The following FHIT variants were observed in gnomAD, a reference collection of about 807,000 sequenced individuals.
The protein encoded by FHIT is bis(5'-adenosyl)-triphosphatase.
A neutral mutation model predicts 17.9 loss-of-function variants in FHIT; 19 were observed. That is an observed-to-expected ratio of 1.06 (90% CI 0.74 to 1.56). FHIT has a LOEUF of 1.56. FHIT is among the 40% of genes most tolerant of loss of function. The pLI, the probability that FHIT is intolerant of heterozygous loss-of-function variation, is 0.00. For synonymous variants in FHIT, 81 were observed against 69.7 expected (o/e 1.16, Z -0.81); for missense variants, 248 against 189.2 (o/e 1.31, Z -1.82).
intron 5 of FHIT, among the ~76,000 whole-genome samples, chr3:60,121,470 G>C (rs1261730725): frequency 6.6e-6 from 1 of 152,062 alleles, no homozygotes; most frequent in Non-Finnish European, 1.5e-5. Flanking sequence ...TGGATCATTT[G>C]AGGTCAGGAA....
chr3:60,941,761 C>T (rs892775495), intron 3 of FHIT, among the ~76,000 whole-genome samples: 1 of 152,166 alleles, frequency 6.6e-6, no homozygotes, highest in African/African-American at 2.4e-5. Flanking sequence ...ATCCCCTATT[C>T]GTCCTTCATA....
At chr3:60,024,644 C>T (rs928743282) in intron 5 of FHIT, among the ~76,000 whole-genome samples, 4 of 152,120 alleles carry the variant, frequency 2.6e-5, no homozygotes, top group Non-Finnish European at 4.4e-5. Context: ...AGGCAACTGA[C>T]ATAGTAACTA....
intron 5 of FHIT, chr3:60,536,655 G>T: frequency 2.1e-6 from 1 of 472,494 alleles, no homozygotes; most frequent in Non-Finnish European, 3.5e-6. Context: ...CTGCAACATT[G>T]ATCAAGCATA....
intron 7 of FHIT, among the ~76,000 whole-genome samples, chr3:59,953,437 T>C (rs964377474): frequency 1.3e-5 from 2 of 152,164 alleles, no homozygotes; most frequent in Non-Finnish European, 2.9e-5. Context: ...CCATTTCAAA[T>C]ATGTTAGCCG....
chr3:60,027,135 ACACAC>A lies in FHIT; in HGVS notation c.104-12988_104-12984del, dbSNP rs1359051693. 3.4e-3 allele frequency among the ~76,000 whole-genome samples: 437 copies of A among 127,654 alleles called. 12 individuals carry two copies. Among genetic ancestry groups the A allele is most frequent in the African/African-American group, 0.01 (334 of 33,018 alleles). The allele number at this position is 127,654 out of a possible 152,430, so 83.7% of individuals were successfully genotyped here. On this transcript the variant is annotated intron_variant, in intron 5 of 9. Coordinates refer to ENST00000492590, the MANE Select transcript of FHIT (RefSeq NM_002012.4). ...CACACACACACACACACACACACAC[ACACAC>A]ACACACACAAAATTAGTAAACCCAA...
rs138696226 is a variant in FHIT at position 60,490,485 on chromosome 3, G to A, written c.103+46375C>T. Among the ~76,000 whole-genome samples, 72 of 152,020 alleles carry A rather than the reference G, an allele frequency of 4.7e-4. 1 individual carries two copies. The East Asian group carries it at 0.012, about 25-fold the overall frequency. Reference sequence around the variant, plus strand: ...ATAATTATCTCCATTTTACAAAAGTGAGAAGGCTTAAATTTATTTTCCCCA... The same window carrying A: ...ATAATTATCTCCATTTTACAAAAGTAAGAAGGCTTAAATTTATTTTCCCCA... On this transcript the variant is annotated intron_variant, in intron 5 of 9. Coordinates refer to ENST00000492590, the MANE Select transcript of FHIT (RefSeq NM_002012.4).
intron 5 of FHIT, among the ~76,000 whole-genome samples, chr3:60,330,357 T>C (rs1454372461): frequency 2.0e-5 from 3 of 152,126 alleles, no homozygotes; most frequent in Non-Finnish European, 4.4e-5. Flanking sequence ...CAAGCACTTG[T>C]CATTATAGAC....
chr3:60,636,386 C>T (rs1228529681), intron 4 of FHIT, among the ~76,000 whole-genome samples: 1 of 152,052 alleles, frequency 6.6e-6, no homozygotes, highest in Non-Finnish European at 1.5e-5. Flanking sequence ...ATGAATTTTA[C>T]CTTCATCCTC....
intron 5 of FHIT, among the ~76,000 whole-genome samples, chr3:60,415,324 T>C (rs1017600035): frequency 2.0e-5 from 3 of 152,142 alleles, no homozygotes; most frequent in East Asian, 1.9e-4. Context: ...TTGTCTGTAG[T>C]TGATCATGTA....
At chr3:60,782,392 G>C (rs1352084555) in intron 4 of FHIT, among the ~76,000 whole-genome samples, 1 of 152,136 alleles carries the variant, frequency 6.6e-6, no homozygotes, top group East Asian at 1.9e-4. Context: ...GTACAGAGCT[G>C]GTTCAAGGGA....
intron 5 of FHIT, among the ~76,000 whole-genome samples, chr3:60,189,843 G>C (rs1026966574): frequency 1.3e-5 from 2 of 152,150 alleles, no homozygotes; most frequent in Non-Finnish European, 2.9e-5. Context: ...CTTCGGAGTT[G>C]GTTGGTTAGG....
chr3:60,449,258 G>A (rs189937728), intron 5 of FHIT, among the ~76,000 whole-genome samples: 288 of 152,238 alleles, frequency 1.9e-3, no homozygotes, highest in African/African-American at 6.7e-3. Flanking sequence ...CGGTCTGTAT[G>A]CAACATCTTG....
chr3:59,778,321 TGGGA>T (rs1206721957), intron 8 of FHIT, among the ~76,000 whole-genome samples: 2 of 152,012 alleles, frequency 1.3e-5, no homozygotes, highest in East Asian at 3.9e-4. Context: ...TTGTAGGGAG[TGGGA>T]GGAAGTCTAA....
At chr3:59,914,428 G>A (rs563811150) in intron 8 of FHIT, among the ~76,000 whole-genome samples, 8 of 152,196 alleles carry the variant, frequency 5.3e-5, no homozygotes, top group African/African-American at 1.9e-4. Flanking sequence ...CAACTTGGAG[G>A]CCTTAGGATT....
chr3:60,271,157 T>C (rs1706849370), intron 5 of FHIT, among the ~76,000 whole-genome samples: 1 of 152,062 alleles, frequency 6.6e-6, no homozygotes, highest in East Asian at 1.9e-4. Flanking sequence ...CCCAGAACTT[T>C]GGGAAACAAA....
intron 3 of FHIT, among the ~76,000 whole-genome samples, chr3:60,928,209 C>A (rs934230903): frequency 2.0e-5 from 3 of 151,858 alleles, no homozygotes; most frequent in African/African-American, 2.4e-5. Context: ...AAACCAGAGA[C>A]CTTTGTTCAC....
chr3:60,125,274 C>A (rs141310885), intron 5 of FHIT, among the ~76,000 whole-genome samples: 128 of 152,288 alleles, frequency 8.4e-4, no homozygotes, highest in Non-Finnish European at 1.5e-3. Context: ...ATTAGGATAT[C>A]TTTTCTGTAA....
intron 4 of FHIT, among the ~76,000 whole-genome samples, chr3:60,762,104 G>C (rs1349926875): frequency 2.6e-5 from 4 of 152,162 alleles, no homozygotes; most frequent in Non-Finnish European, 4.4e-5. Flanking sequence ...TGAGCAATTT[G>C]GTGGGATGTA....
At chr3:60,375,456 C>A (rs1700513752) in intron 5 of FHIT, among the ~76,000 whole-genome samples, 1 of 151,780 alleles carries the variant, frequency 6.6e-6, no homozygotes, top group Admixed American at 6.6e-5. Flanking sequence ...ACACCAGTAA[C>A]CCCAGCTATT....
Sources: gnomAD v4.1 joint callset for allele counts (sites outside exome capture counted in the v4.1 genomes callset) on GRCh38, gnomAD v4.1.1 for gene constraint, MANE v1.5 for transcripts, NCBI Gene and HGNC (gene_info 2026-07-23, HGNC 2026-07-21) for gene names.